PLEKHG4B: variants seen among roughly 807,000 people sequenced by gnomAD.
PLEKHG4B encodes pleckstrin homology domain-containing family G member 4B.
In PLEKHG4B, 111 loss-of-function variants were observed where a neutral mutation model predicts 121.3. That is an observed-to-expected ratio of 0.92 (90% CI 0.78 to 1.07). PLEKHG4B has a LOEUF of 1.07. PLEKHG4B is among the 50% of genes least tolerant of loss of function. The pLI is 0.00. For missense variants in PLEKHG4B, 1,831 were observed against 1,757.8 expected, an observed-to-expected ratio of 1.04 and a Z score of -0.74; for synonymous variants, 738 against 725.0, an observed-to-expected ratio of 1.02 and a Z score of -0.29.
At chr5:177,523 G>A (rs1274770415) in intron 18 of PLEKHG4B, among the ~76,000 whole-genome samples, 12 of 152,060 alleles carry the variant, frequency 7.9e-5, no homozygotes, top group South Asian at 6.2e-4. Flanking sequence ...AGTGACCGGC[G>A]GCAAATCTGT....
At chr5:181,830 C>T (rs1733401652) in intron 19 of PLEKHG4B, among the ~76,000 whole-genome samples, 155 bp downstream of exon 19, 1 of 152,202 alleles carries the variant, frequency 6.6e-6, no homozygotes, top group African/African-American at 2.4e-5. Context: ...CTCGGCCCCG[C>T]CCTCACTCAT....
intron 2 of PLEKHG4B, among the ~76,000 whole-genome samples, chr5:117,816 A>G (rs967325436): frequency 4.6e-5 from 7 of 152,184 alleles, no homozygotes; most frequent in Non-Finnish European, 1.0e-4. Context: ...TTGTGCCACT[A>G]CACTCCATCC....
chr5:162,335 G>A (rs60717238), intron 12 of PLEKHG4B, among the ~76,000 whole-genome samples: 19,212 of 152,204 alleles, frequency 0.13, 1,815 homozygotes, highest in African/African-American at 0.27. Flanking sequence ...TTAGGAGCCC[G>A]GGCCAGAGGC....
intron 1 of PLEKHG4B, among the ~76,000 whole-genome samples, chr5:108,598 T>G (rs1485287509): frequency 2.1e-5 from 3 of 143,188 alleles, no homozygotes; most frequent in Admixed American, 6.9e-5. Flanking sequence ...AGATGGCTGG[T>G]GTAGACAGAC....
Position 162,956 on chromosome 5 carries a change from G to A in PLEKHG4B, c.2884G>A (p.Ala962Thr), listed in dbSNP as rs367860373. The change falls in exon 13 of 20, where the codon GCC becomes ACC. Residue 962 changes from alanine (A) to threonine (T), a missense_variant. Coordinates refer to ENST00000637938, the MANE Select transcript of PLEKHG4B (RefSeq NM_052909.5). Reference protein sequence around the residue: ...LRLEEALSEAAPDPSLPPLAQ... With the variant: ...LRLEEALSEATPDPSLPPLAQ... ...TCTGGAAGAGGCCCTTTCTGAGGCT[G>A]CCCCAGACCCCAGCTTACCGCCCCT... The A allele has an allele frequency of 1.9e-6, 3 of 1,559,422 alleles. 1 individual carries two copies. In the South Asian group the frequency reaches 3.6e-5, roughly 19 times the overall value.
chr5:100,158 G>C (rs984860829), intron 1 of PLEKHG4B, among the ~76,000 whole-genome samples: 1 of 152,070 alleles, frequency 6.6e-6, no homozygotes, highest in Non-Finnish European at 1.5e-5. Flanking sequence ...CTAATTTTTT[G>C]ACTCTGCTCT....
intron 2 of PLEKHG4B, among the ~76,000 whole-genome samples, chr5:135,715 A>T (rs1734964107): frequency 9.0e-6 from 1 of 110,794 alleles, no homozygotes; most frequent in Non-Finnish European, 1.8e-5. Flanking sequence ...ATATATATAT[A>T]TATATATATA....
intron 1 of PLEKHG4B, among the ~76,000 whole-genome samples, chr5:102,335 T>G (rs1733846270): frequency 6.6e-6 from 1 of 152,166 alleles, no homozygotes; most frequent in Non-Finnish European, 1.5e-5. Flanking sequence ...AGGATTTGAC[T>G]ATATTTTGTA....
chr5:181,565 TG>T lies in PLEKHG4B; in HGVS notation c.4456del (p.Asp1486MetfsTer13), dbSNP rs1560959187. On this transcript the variant is annotated frameshift_variant, in exon 19 of 20. Transcript: ENST00000637938. LOFTEE classifies it high-confidence loss of function. ...ASMGIGNQPF[M>X]DVKPRDRTPD... Reference sequence around the variant, plus strand: ...ATGGGTATAGGCAACCAGCCATTCATGGATGTCAAGCCCAGAGACCGGACCC... The same window carrying T: ...ATGGGTATAGGCAACCAGCCATTCATGATGTCAAGCCCAGAGACCGGACCC... 1.2e-6 allele frequency: 2 copies of T among 1,614,078 alleles called. 1 individual carries two copies. Among genetic ancestry groups the T allele is most frequent in the South Asian group, 2.2e-5 (2 of 91,072 alleles).
intron 13 of PLEKHG4B, among the ~76,000 whole-genome samples, chr5:168,698 A>G (rs570996487): frequency 5.3e-5 from 8 of 152,246 alleles, no homozygotes; most frequent in South Asian, 4.2e-4. Flanking sequence ...GGCCATGATC[A>G]ATAATGTGGA....
intron 2 of PLEKHG4B, among the ~76,000 whole-genome samples, chr5:130,069 G>A (rs1734734638): frequency 1.5e-5 from 2 of 134,184 alleles, no homozygotes; most frequent in African/African-American, 5.0e-5. Flanking sequence ...TGAAGAGAGA[G>A]TGAGAGAGAG....
At position 163,203 on chromosome 5, in the gene PLEKHG4B, C is replaced by T; in HGVS notation, c.3131C>T (p.Pro1044Leu). Residue 1044 changes from proline (P) to leucine (L), a missense_variant, in exon 13 of 20, where the codon CCA becomes CTA. By Grantham distance (98) the Pro-to-Leu change is moderately conservative. Transcript: ENST00000637938. ...WDPLSLLRGL[P>L]GAGATTAHLE... ...CCACTGTCCCTCCTCAGGGGCCTTC[C>T]AGGGGCAGGGGCCACCACGGCCCAC... The T allele has an allele frequency of 1.3e-6, 2 of 1,589,884 alleles. No individual in the cohort carries two copies. The highest frequency in any genetic ancestry group is 1.7e-5 in the Admixed American group (1 of 57,826).
At chr5:114,265 T>TATGAACA (rs1405559806) in intron 2 of PLEKHG4B, among the ~76,000 whole-genome samples, 25 of 152,304 alleles carry the variant, frequency 1.6e-4, no homozygotes, top group African/African-American at 6.0e-4. Flanking sequence ...TGACTCTTCC[T>TATGAACA]TTTATGAACG....
intron 1 of PLEKHG4B, among the ~76,000 whole-genome samples, chr5:99,168 GTGTATATATATATATATATATATATA>G (rs1376495608): frequency 8.9e-5 from 4 of 45,118 alleles, no homozygotes; most frequent in African/African-American, 3.9e-4. Flanking sequence ...AAAAAAAAAA[GTGTATATATATATATATATATATATA>G]TATATATATA....
chr5:143,544 A>T (rs750082832), intron 5 of PLEKHG4B, 41 bp downstream of exon 5: 1 of 1,599,888 alleles, frequency 6.3e-7, no homozygotes, highest in South Asian at 1.1e-5. Flanking sequence ...GACCCATGGG[A>T]CCCCAGCTGC....
intron 7 of PLEKHG4B, among the ~76,000 whole-genome samples, chr5:152,270 G>A (rs1735631554): frequency 6.7e-6 from 1 of 148,784 alleles, no homozygotes; most frequent in Non-Finnish European, 1.5e-5. Flanking sequence ...GAGTGTGGTT[G>A]TGCAATCAGA....
chr5:151,086 TG>T (rs2126418290), intron 6 of PLEKHG4B, among the ~76,000 whole-genome samples: 1 of 152,326 alleles, frequency 6.6e-6, no homozygotes, highest in East Asian at 1.9e-4. Context: ...CACTCCTGCC[TG>T]AGTCTATTTA....
intron 6 of PLEKHG4B, 37 bp from the exon 7 acceptor site, chr5:151,472 TAGAA>T (rs757171397): frequency 3.7e-6 from 5 of 1,360,870 alleles, no homozygotes; most frequent in Non-Finnish European, 5.1e-6. Flanking sequence ...AGTTAAAAAT[TAGAA>T]AGCTAATCAG....
At chr5:146,021 C>T (rs1489204543) in intron 6 of PLEKHG4B, among the ~76,000 whole-genome samples, 1 of 151,824 alleles carries the variant, frequency 6.6e-6, no homozygotes, top group South Asian at 2.1e-4. Context: ...ATGGAGTCCT[C>T]CTTCCACTCC....
Sources: gnomAD v4.1 joint callset for allele counts (sites outside exome capture counted in the v4.1 genomes callset) on GRCh38, gnomAD v4.1.1 for gene constraint, MANE v1.5 for transcripts, NCBI Gene and HGNC (gene_info 2026-07-23, HGNC 2026-07-21) for gene names.